The following MICAL2 variants were observed in gnomAD, a reference collection of about 807,000 sequenced individuals.
MICAL2 encodes microtubule associated monooxygenase, calponin and LIM domain containing 2.
In MICAL2, 77 loss-of-function variants were observed where a neutral mutation model predicts 127.3. The observed-to-expected ratio is 0.60, with a 90% CI of 0.50 to 0.73. The LOEUF is 0.73. MICAL2 is among the 30% of genes least tolerant of loss of function. The pLI, the probability that MICAL2 is intolerant of heterozygous loss-of-function variation, is 0.00. For missense variants in MICAL2, 1,351 were observed against 1,434.4 expected, an observed-to-expected ratio of 0.94 and a Z score of 0.94; for synonymous variants, 570 against 551.1, an observed-to-expected ratio of 1.03 and a Z score of -0.48.
chr11:12,275,771 T>A (rs568909082), upstream of MICAL2, among the ~76,000 whole-genome samples: 22 of 152,316 alleles, frequency 1.4e-4, no homozygotes, highest in Non-Finnish European at 2.2e-4. Context: ...GGATGATCTG[T>A]GCATTCACGC....
At chr11:12,212,737 A>G (rs1397163295) in intron 6 of MICAL2, among the ~76,000 whole-genome samples, 2 of 124,152 alleles carry the variant, frequency 1.6e-5, no homozygotes, top group African/African-American at 7.0e-5. Context: ...ATTTCAACAC[A>G]TGAATTTGTG....
At chr11:12,143,744 A>G (rs749604243) in intron 2 of MICAL2, among the ~76,000 whole-genome samples, 2 of 152,208 alleles carry the variant, frequency 1.3e-5, no homozygotes, top group African/African-American at 2.4e-5. Context: ...GGGTCACATA[A>G]TATTTCTGCA....
intron 32 of MICAL2, among the ~76,000 whole-genome samples, chr11:12,332,049 A>G (rs1397031700): frequency 1.3e-5 from 2 of 152,170 alleles, no homozygotes; most frequent in African/African-American, 2.4e-5. Flanking sequence ...ACTCATTGTT[A>G]TCACTCCCAC....
chr11:12,194,772 C>G (rs116719469), intron 3 of MICAL2, among the ~76,000 whole-genome samples: 1 of 152,124 alleles, frequency 6.6e-6, no homozygotes, highest in African/African-American at 2.4e-5. Flanking sequence ...AGGGTACCAG[C>G]ACCAGAGCCC....
intron 31 of MICAL2, among the ~76,000 whole-genome samples, chr11:12,325,400 G>T (rs768234600): frequency 8.5e-5 from 13 of 152,146 alleles, no homozygotes; most frequent in African/African-American, 3.1e-4. Context: ...GTGAGCCACC[G>T]TGCCCAGCCT....
chr11:12,246,580 A>T (rs1463310870), intron 21 of MICAL2, among the ~76,000 whole-genome samples: 1 of 152,216 alleles, frequency 6.6e-6, no homozygotes, highest in Non-Finnish European at 1.5e-5. Context: ...ATGTGTGAAC[A>T]TTCATTCCTT....
rs531238194 is a variant in MICAL2, at chr11:12,144,060, T to C, written c.-78+5600T>C. On this transcript the variant is annotated intron_variant, in intron 2 of 27. Coordinates refer to ENST00000683283, the MANE Select transcript of MICAL2 (RefSeq NM_001282663.2). Reference sequence around the variant, plus strand: ...TGCCCCAGGAAATGAGTTTCAAACATTGAACTTTGAGCCTGAATTGTCTTC... The same window carrying C: ...TGCCCCAGGAAATGAGTTTCAAACACTGAACTTTGAGCCTGAATTGTCTTC... 1.2e-3 allele frequency among the ~76,000 whole-genome samples: 179 copies of C among 152,232 alleles called. 1 individual carries two copies. Among genetic ancestry groups the C allele is most frequent in the South Asian group, 4.8e-3 (23 of 4,810 alleles).
downstream of MICAL2, chr11:12,294,961 A>G: frequency 2.2e-6 from 3 of 1,351,496 alleles, no homozygotes; most frequent in Non-Finnish European, 2.8e-6. Context: ...TGCTTCTCAA[A>G]TACTAACAAA....
rs1187767097 is a variant in MICAL2, at chr11:12,263,587, C to T, written c.*45C>T. 1 of 152,668 alleles carries T rather than the reference C, an allele frequency of 6.6e-6. No homozygotes were observed. Among genetic ancestry groups the T allele is most frequent in the Admixed American group, 6.5e-5 (1 of 15,278 alleles). The allele number at this position is 152,668 out of a possible 1,614,324, so 9.5% of individuals were successfully genotyped here. On this transcript the variant is annotated 3_prime_UTR_variant, in exon 28 of 28. Coordinates refer to ENST00000683283, the MANE Select transcript of MICAL2 (RefSeq NM_001282663.2). ...TCTCCCTCCCTTTATAGAATGTCAA[C>T]CAAAGAGTGCCCTCCTCCCCTCTCA...
intron 20 of MICAL2, 34 bp downstream of exon 20, chr11:12,242,806 T>G: frequency 6.6e-7 from 1 of 1,503,876 alleles, no homozygotes; most frequent in South Asian, 1.2e-5. Context: ...CCCAGGAACC[T>G]GATGCTGGAC....
chr11:12,344,043 C>T (rs563296579), intron 32 of MICAL2, among the ~76,000 whole-genome samples: 3 of 152,300 alleles, frequency 2.0e-5, no homozygotes, highest in Admixed American at 2.0e-4. Context: ...CACCTGCAAT[C>T]CCAGCCCTTT....
At chr11:12,353,039 G>A (rs933949169) in intron 33 of MICAL2, among the ~76,000 whole-genome samples, 2 of 152,176 alleles carry the variant, frequency 1.3e-5, no homozygotes, top group Admixed American at 6.5e-5. Context: ...AGATCTGACC[G>A]GTCCATCTCC....
chr11:12,358,326 A>C, exon 35 of MICAL2: 2 of 1,614,174 alleles, frequency 1.2e-6, no homozygotes, highest in Non-Finnish European at 1.7e-6. Context: ...ATCTAAACGA[A>C]GAGCAAGAAG....
intron 2 of MICAL2, among the ~76,000 whole-genome samples, chr11:12,140,498 C>CT (rs61115916): frequency 0.073 from 9,618 of 132,446 alleles, 770 homozygotes; most frequent in African/African-American, 0.2. Flanking sequence ...AACTTTGGCT[C>CT]TTTTTTTTTT....
chr11:12,298,082 C>G lies in MICAL2; in HGVS notation c.5212+3225C>G, dbSNP rs142682498. On this transcript the variant is annotated intron_variant, in intron 29 of 34. Transcript: ENST00000646065. ...AAAAAAAAAGTCCTGTGAATACTCT[C>G]GTGGGATTGAGTTAAATTTATAAGT... 8.6e-3 allele frequency among the ~76,000 whole-genome samples: 1,306 copies of G among 151,782 alleles called. 25 individuals carry two copies. The highest frequency in any genetic ancestry group is 0.03 in the African/African-American group (1,256 of 41,452).
chr11:12,185,977 G>T (rs1373528613), intron 3 of MICAL2, among the ~76,000 whole-genome samples: 3 of 152,244 alleles, frequency 2.0e-5, no homozygotes, highest in Non-Finnish European at 4.4e-5. Flanking sequence ...AAGGAGTCAT[G>T]GAACTAGAGG....
chr11:12,159,943 C>T (rs1466485223), intron 2 of MICAL2, among the ~76,000 whole-genome samples: 1 of 152,178 alleles, frequency 6.6e-6, no homozygotes, highest in African/African-American at 2.4e-5. Context: ...GCACAGAGCC[C>T]CCTTCCCCAG....
chr11:12,209,369 C>T (rs890799127), intron 5 of MICAL2, 128 bp from the exon 6 acceptor site: 2 of 763,032 alleles, frequency 2.6e-6, no homozygotes, highest in Non-Finnish European at 4.7e-6. Flanking sequence ...AGCCTTTCCC[C>T]TGGAGGCTCT....
chr11:12,166,334 G>A (rs1428933390), intron 3 of MICAL2, among the ~76,000 whole-genome samples: 4 of 152,214 alleles, frequency 2.6e-5, no homozygotes, highest in African/African-American at 9.7e-5. Flanking sequence ...TCATTAGCAG[G>A]TGTTTCCAGT....
Sources: allele counts gnomAD v4.1 joint callset (sites outside exome capture counted in the v4.1 genomes callset), GRCh38; gene constraint gnomAD v4.1.1; transcripts MANE v1.5; gene names NCBI Gene and HGNC (gene_info 2026-07-23, HGNC 2026-07-21).